The following GAP43 variants were observed in gnomAD, a reference collection of about 807,000 sequenced individuals.
GAP43 encodes growth associated protein 43, also known as neuromodulin.
A neutral mutation model predicts 18.6 loss-of-function variants in GAP43; 6 were observed. The observed-to-expected ratio is 0.32, with a 90% CI of 0.18 to 0.64. The LOEUF is 0.64. GAP43 is among the 30% of genes least tolerant of loss of function. GAP43 has a pLI of 0.78. For synonymous variants in GAP43, 115 were observed against 111.4 expected, an observed-to-expected ratio of 1.03 and a Z score of -0.20; for missense variants, 292 against 295.5, an observed-to-expected ratio of 0.99 and a Z score of 0.09.
At chr3:115,655,275 A>T (rs1708566075) in intron 1 of GAP43, among the ~76,000 whole-genome samples, 1 of 152,216 alleles carries the variant, frequency 6.6e-6, no homozygotes, top group South Asian at 2.1e-4. Context: ...CTGAAACTAG[A>T]GTCAATGGTT....
At position 115,663,557 on chromosome 3, in the gene GAP43, C is replaced by T. The variant is rs1227660129; in HGVS notation, c.31-12456C>T. On this transcript the variant is annotated intron_variant, in intron 1 of 2. Transcript: ENST00000305124. ...AACCTGGTCTCTGGGTTGTTTTCAA[C>T]ATCTCAAGTGTGAATTTTCCCTGTC... The T allele has an allele frequency of 7.7e-6, 10 of 1,293,198 alleles. No individual in the cohort carries two copies. The South Asian group carries it at 1.8e-4, about 23-fold the overall frequency. The allele number at this position is 1,293,198 out of a possible 1,614,324, so 80.1% of individuals were successfully genotyped here.
chr3:115,684,196 A>T (rs745641440), intron 2 of GAP43, among the ~76,000 whole-genome samples: 3 of 152,154 alleles, frequency 2.0e-5, no homozygotes, highest in Non-Finnish European at 4.4e-5. Context: ...ACAGTGAAAT[A>T]ACTTTTGAAG....
intron 1 of GAP43, among the ~76,000 whole-genome samples, chr3:115,628,817 C>T (rs1670851946): frequency 6.6e-6 from 1 of 152,172 alleles, no homozygotes; most frequent in African/African-American, 2.4e-5. Flanking sequence ...GTGATCTCAT[C>T]AGGTCATCCA....
At chr3:115,720,343 A>G (rs191376566) in intron 2 of GAP43, among the ~76,000 whole-genome samples, 7 of 152,258 alleles carry the variant, frequency 4.6e-5, no homozygotes, top group African/African-American at 1.2e-4. Context: ...AAATTCAACT[A>G]CTTCACTTTT....
intron 2 of GAP43, among the ~76,000 whole-genome samples, chr3:115,698,148 T>TTATATATTA (rs1491266670): frequency 0.016 from 100 of 6,168 alleles, no homozygotes; most frequent in African/African-American, 0.037. Flanking sequence ...ATAATATATA[T>TTATATATTA]TATATATAAT....
At chr3:115,668,239 C>T (rs573359231) in intron 1 of GAP43, among the ~76,000 whole-genome samples, 2 of 152,270 alleles carry the variant, frequency 1.3e-5, no homozygotes, top group South Asian at 2.1e-4. Flanking sequence ...GCATGATTAA[C>T]GTGCCTCATC....
intron 1 of GAP43, among the ~76,000 whole-genome samples, chr3:115,632,955 C>T (rs1283416064): frequency 5.9e-5 from 9 of 151,836 alleles, no homozygotes; most frequent in Admixed American, 3.9e-4. Flanking sequence ...ATTATATATG[C>T]GTTTTTTGAT....
intron 1 of GAP43, among the ~76,000 whole-genome samples, chr3:115,666,843 C>T (rs1177491064): frequency 6.6e-6 from 1 of 152,188 alleles, no homozygotes. Flanking sequence ...GGACTCCTTC[C>T]TGGTTCCTCA....
chr3:115,705,211 AGTAGAT>A (rs1463993259), intron 2 of GAP43, among the ~76,000 whole-genome samples: 1 of 152,186 alleles, frequency 6.6e-6, no homozygotes, highest in African/African-American at 2.4e-5. Flanking sequence ...TTACCCAAGC[AGTAGAT>A]ATAAATAGGA....
At chr3:115,653,607 T>C (rs139912773) in intron 1 of GAP43, among the ~76,000 whole-genome samples, 3 of 152,150 alleles carry the variant, frequency 2.0e-5, no homozygotes, top group African/African-American at 7.2e-5. Flanking sequence ...CTCCCAAGAC[T>C]AAGTTTACAG....
At chr3:115,655,082 G>A (rs1708563419) in intron 1 of GAP43, among the ~76,000 whole-genome samples, 1 of 152,176 alleles carries the variant, frequency 6.6e-6, no homozygotes, top group Non-Finnish European at 1.5e-5. Flanking sequence ...CAAGAAATAT[G>A]TATGAGTAGA....
intron 2 of GAP43, among the ~76,000 whole-genome samples, chr3:115,689,579 A>C (rs1709078251): frequency 6.6e-6 from 1 of 152,188 alleles, no homozygotes; most frequent in African/African-American, 2.4e-5. Context: ...CTTCTTTTCC[A>C]TGACCCATTT....
chr3:115,640,458 GGT>G (rs1369701739), intron 1 of GAP43, among the ~76,000 whole-genome samples: 10 of 152,042 alleles, frequency 6.6e-5, no homozygotes, highest in Admixed American at 3.9e-4. Context: ...CCACTTATCT[GGT>G]CATACATTCC....
chr3:115,715,964 T>G (rs935595091), intron 2 of GAP43, among the ~76,000 whole-genome samples: 4 of 152,188 alleles, frequency 2.6e-5, no homozygotes, highest in African/African-American at 9.7e-5. Context: ...TCCCTGTGTT[T>G]CAGTTTCCCC....
intron 1 of GAP43, among the ~76,000 whole-genome samples, chr3:115,662,233 A>G (rs1454929713): frequency 1.3e-5 from 2 of 152,292 alleles, no homozygotes; most frequent in South Asian, 2.1e-4. Context: ...TCCTCCCTGC[A>G]TACCCACTGC....
chr3:115,706,359 T>C (rs1480300485), intron 2 of GAP43, among the ~76,000 whole-genome samples: 1 of 151,472 alleles, frequency 6.6e-6, no homozygotes, highest in East Asian at 2.0e-4. Flanking sequence ...CCATCCTCTC[T>C]GTAACTTGCC....
chr3:115,672,052 G>A (rs146106990), intron 1 of GAP43, among the ~76,000 whole-genome samples: 76 of 152,282 alleles, frequency 5.0e-4, no homozygotes, highest in Middle Eastern at 3.4e-3. Context: ...ATAAATCAAC[G>A]AGAATGCTGA....
chr3:115,675,489 C>T (rs536362001), intron 1 of GAP43, among the ~76,000 whole-genome samples: 1 of 152,144 alleles, frequency 6.6e-6, no homozygotes, highest in African/African-American at 2.4e-5. Context: ...TGGCCAGATG[C>T]GGTGGCTCAC....
At chr3:115,651,189 T>A (rs1162708503) in intron 1 of GAP43, among the ~76,000 whole-genome samples, 1 of 152,106 alleles carries the variant, frequency 6.6e-6, no homozygotes, top group African/African-American at 2.4e-5. Context: ...AGAAACCTTT[T>A]ATTATTTGGA....
Sources: allele counts gnomAD v4.1 joint callset (sites outside exome capture counted in the v4.1 genomes callset), GRCh38; gene constraint gnomAD v4.1.1; transcripts MANE v1.5; gene names NCBI Gene and HGNC (gene_info 2026-07-23, HGNC 2026-07-21).